Variants in DLG2 observed in about 807,000 individuals in gnomAD.
The protein encoded by DLG2 is discs large MAGUK scaffold protein 2, also known as disks large homolog 2.
Under a neutral mutation model 132.5 loss-of-function variants are expected in DLG2, and 45 were observed. That is an observed-to-expected ratio of 0.34 (90% CI 0.27 to 0.44). DLG2 has a LOEUF of 0.44. Ranked by LOEUF, DLG2 falls within the 20% of genes least tolerant of loss-of-function variation. The probability of loss-of-function intolerance (pLI) is 1.00; values close to 1 mark genes in which losing one functional copy is unlikely to be tolerated. For synonymous variants in DLG2, 424 were observed against 419.6 expected (o/e 1.01, Z -0.13); for missense variants, 1,045 against 1,196.9 (o/e 0.87, Z 1.87).
intron 8 of DLG2, among the ~76,000 whole-genome samples, chr11:84,209,558 T>C (rs2096722876): frequency 6.6e-6 from 1 of 152,026 alleles, no homozygotes; most frequent in Admixed American, 6.5e-5. Context: ...TTCACGGGCA[T>C]AAAGAAATTC....
intron 18 of DLG2, among the ~76,000 whole-genome samples, chr11:83,675,501 A>T (rs926919986): frequency 6.6e-6 from 1 of 152,218 alleles, no homozygotes; most frequent in Non-Finnish European, 1.5e-5. Flanking sequence ...GAGAAGAAGA[A>T]GATGATGATG....
intron 18 of DLG2, among the ~76,000 whole-genome samples, chr11:83,659,761 C>T (rs1449962665): frequency 6.6e-6 from 1 of 152,222 alleles, no homozygotes; most frequent in African/African-American, 2.4e-5. Context: ...TATAAGAACA[C>T]GCCCTTCCTG....
chr11:85,197,574 A>C (rs887558960), intron 4 of DLG2, among the ~76,000 whole-genome samples: 2 of 152,202 alleles, frequency 1.3e-5, no homozygotes, highest in Non-Finnish European at 2.9e-5. Context: ...CCTTAAATTA[A>C]GCTTTTTAAA....
At chr11:85,019,592 T>C (rs1361496469) in intron 6 of DLG2, among the ~76,000 whole-genome samples, 2 of 152,134 alleles carry the variant, frequency 1.3e-5, no homozygotes, top group African/African-American at 2.4e-5. Context: ...TTACATTAGG[T>C]ATTTCTCCTA....
At chr11:85,619,163 AG>A (rs1465939967) in intron 2 of DLG2, among the ~76,000 whole-genome samples, 8 of 152,192 alleles carry the variant, frequency 5.3e-5, no homozygotes, top group African/African-American at 1.9e-4. Flanking sequence ...AGCTTATCCA[AG>A]GTCAAAATTG....
chr11:84,493,806 C>T (rs914076346), intron 7 of DLG2, among the ~76,000 whole-genome samples: 3 of 151,952 alleles, frequency 2.0e-5, no homozygotes, highest in Non-Finnish European at 2.9e-5. Flanking sequence ...ATAATAGGCA[C>T]TCAAAAAAAG....
chr11:85,143,543 T>G (rs2076636233), intron 5 of DLG2, among the ~76,000 whole-genome samples: 1 of 151,856 alleles, frequency 6.6e-6, no homozygotes, highest in African/African-American at 2.4e-5. Context: ...GAAATTTCTC[T>G]ACTTTTTAAT....
chr11:83,737,108 A>G (rs185821426), intron 18 of DLG2, among the ~76,000 whole-genome samples: 54 of 152,344 alleles, frequency 3.5e-4, no homozygotes, highest in Admixed American at 1.1e-3. Context: ...AAAGCAAACA[A>G]ATCATACCAT....
At chr11:84,059,790 C>A (rs939603707) in intron 10 of DLG2, among the ~76,000 whole-genome samples, 3 of 152,012 alleles carry the variant, frequency 2.0e-5, no homozygotes, top group Non-Finnish European at 4.4e-5. Context: ...ATTTTAAGGC[C>A]TCTGTAAGTT....
intron 7 of DLG2, among the ~76,000 whole-genome samples, chr11:84,480,545 G>GA (rs1318027163): frequency 6.6e-6 from 1 of 151,510 alleles, no homozygotes; most frequent in African/African-American, 2.4e-5. Context: ...TACAAAAAAA[G>GA]AAAAAAAGAA....
At chr11:84,346,753 T>A (rs1426073362) in intron 7 of DLG2, among the ~76,000 whole-genome samples, 1 of 152,148 alleles carries the variant, frequency 6.6e-6, no homozygotes, top group Non-Finnish European at 1.5e-5. Context: ...AATTTTTGTA[T>A]TTTTAGCAGA....
intron 11 of DLG2, among the ~76,000 whole-genome samples, chr11:84,002,045 G>A (rs531254624): frequency 1.9e-4 from 29 of 151,990 alleles, no homozygotes; most frequent in South Asian, 1.0e-3. Flanking sequence ...CAAATTAACC[G>A]AAATAGAGAA....
chr11:84,464,072 A>G (rs1405117207), intron 7 of DLG2, among the ~76,000 whole-genome samples: 2 of 151,268 alleles, frequency 1.3e-5, no homozygotes, highest in Non-Finnish European at 3.0e-5. Context: ...CCTTGCAATG[A>G]GTTGGTCATA....
At chr11:83,582,917 G>A (rs575732854) in intron 19 of DLG2, among the ~76,000 whole-genome samples, 1 of 152,270 alleles carries the variant, frequency 6.6e-6, no homozygotes, top group African/African-American at 2.4e-5. Context: ...GGAGAGATAG[G>A]TATTATTTCC....
intron 18 of DLG2, among the ~76,000 whole-genome samples, chr11:83,679,006 T>A (rs2078262578): frequency 6.6e-6 from 1 of 152,066 alleles, no homozygotes; most frequent in Non-Finnish European, 1.5e-5. Flanking sequence ...AGGAGAGGAA[T>A]CAAAGCAGAT....
chr11:84,063,654 A>G (rs1414319090), intron 10 of DLG2, among the ~76,000 whole-genome samples: 3 of 152,204 alleles, frequency 2.0e-5, no homozygotes, highest in Non-Finnish European at 4.4e-5. Flanking sequence ...CTATAAAGAC[A>G]CATGCACACG....
chr11:85,322,517 T>C (rs1057108771), intron 3 of DLG2, among the ~76,000 whole-genome samples: 1 of 152,156 alleles, frequency 6.6e-6, no homozygotes, highest in Admixed American at 6.5e-5. Context: ...TCAGCTGATA[T>C]TGCTTCCCTA....
intron 6 of DLG2, among the ~76,000 whole-genome samples, chr11:84,703,924 A>T (rs2059509382): frequency 1.4e-5 from 2 of 142,306 alleles, no homozygotes; most frequent in Admixed American, 7.0e-5. Flanking sequence ...GTGTATTTAT[A>T]TATGTATTTT....
intron 6 of DLG2, among the ~76,000 whole-genome samples, chr11:85,078,706 CA>C (rs2066865966): frequency 6.6e-6 from 1 of 151,758 alleles, no homozygotes; most frequent in Non-Finnish European, 1.5e-5. Context: ...GTCTTGAAAC[CA>C]AATAAAGAAA....
Sources: allele counts gnomAD v4.1 joint callset (sites outside exome capture counted in the v4.1 genomes callset), GRCh38; gene constraint gnomAD v4.1.1; transcripts MANE v1.5; gene names NCBI Gene and HGNC (gene_info 2026-07-23, HGNC 2026-07-21).